The following KLHL2 variants were observed in gnomAD, a reference collection of about 807,000 sequenced individuals.
KLHL2 encodes the protein kelch-like protein 2.
Under a neutral mutation model 75.8 loss-of-function variants are expected in KLHL2, and 15 were observed. That is an observed-to-expected ratio of 0.20 (90% confidence interval 0.13 to 0.30). The LOEUF (loss-of-function observed/expected upper bound fraction) is 0.30, where lower values mean the gene tolerates loss of function less well. Ranked by LOEUF, KLHL2 falls within the 10% of genes least tolerant of loss-of-function variation. The pLI, the probability that KLHL2 is intolerant of heterozygous loss-of-function variation, is 1.00. For synonymous variants in KLHL2, 214 were observed against 251.9 expected (o/e 0.85, Z 1.42); for missense variants, 381 against 741.0 (o/e 0.51, Z 5.64).
chr4:165,318,847 C>A (rs1160524194), intron 14 of KLHL2, among the ~76,000 whole-genome samples: 4 of 151,904 alleles, frequency 2.6e-5, no homozygotes, highest in Non-Finnish European at 5.9e-5. Flanking sequence ...ACTGCATAAC[C>A]TAGAAATATT....
intron 5 of KLHL2, 40 bp from the exon 6 acceptor site, chr4:165,294,319 A>ATGT: frequency 9.0e-7 from 1 of 1,106,550 alleles, no homozygotes; most frequent in Non-Finnish European, 1.4e-6. Context: ...TGATAATGGA[A>ATGT]TGTTGATGTT....
intron 5 of KLHL2, among the ~76,000 whole-genome samples, chr4:165,263,689 C>T (rs1199695024): frequency 3.3e-5 from 5 of 150,976 alleles, no homozygotes; most frequent in South Asian, 4.2e-4. Flanking sequence ...TTGCAACCTC[C>T]GCCTCCAGGG....
intron 3 of KLHL2, among the ~76,000 whole-genome samples, chr4:165,232,030 A>T (rs968034917): frequency 6.6e-6 from 1 of 152,134 alleles, no homozygotes; most frequent in Non-Finnish European, 1.5e-5. Context: ...ATCTTTCTAT[A>T]TGCTTATTAT....
chr4:165,288,341 A>T (rs750389421), intron 5 of KLHL2, among the ~76,000 whole-genome samples: 2 of 152,016 alleles, frequency 1.3e-5, no homozygotes. Flanking sequence ...TGAACGGTAT[A>T]CATTGAAAGA....
chr4:165,299,486 G>A lies in KLHL2; in HGVS notation c.772-21G>A, dbSNP rs745853416. The A allele has an allele frequency of 4.4e-6, 7 of 1,590,116 alleles. No individual in the cohort carries two copies. In the African/African-American group the frequency reaches 9.4e-5, roughly 21 times the overall value. On this transcript the variant is annotated intron_variant, in intron 7 of 14. Transcript: ENST00000226725. ...TGAAATAGCCCTACCCTCAGTGGGT[G>A]TGTCTGATTTCTTGTTACAGAGGGT...
intron 3 of KLHL2, among the ~76,000 whole-genome samples, chr4:165,232,629 A>G (rs1226118666): frequency 2.6e-5 from 4 of 151,878 alleles, no homozygotes; most frequent in African/African-American, 4.8e-5. Context: ...AGTCCCAGAT[A>G]CTGGGGAGGC....
chr4:165,231,544 A>G (rs928936380), intron 3 of KLHL2, among the ~76,000 whole-genome samples: 2 of 152,210 alleles, frequency 1.3e-5, no homozygotes, highest in Non-Finnish European at 2.9e-5. Context: ...TTTTGTTCTC[A>G]CATAATGTTT....
intron 5 of KLHL2, among the ~76,000 whole-genome samples, chr4:165,287,033 G>C (rs1374475790): frequency 6.6e-6 from 1 of 152,078 alleles, no homozygotes; most frequent in African/African-American, 2.4e-5. Flanking sequence ...TACCACCTTA[G>C]CCATTTTAAG....
intron 7 of KLHL2, among the ~76,000 whole-genome samples, chr4:165,298,806 A>G (rs920011199): frequency 5.9e-5 from 9 of 152,066 alleles, no homozygotes; most frequent in Non-Finnish European, 1.0e-4. Flanking sequence ...ACATGGTGGC[A>G]GGTGCCTGTA....
intron 5 of KLHL2, among the ~76,000 whole-genome samples, chr4:165,291,233 C>T (rs536643305): frequency 3.9e-5 from 6 of 152,092 alleles, no homozygotes; most frequent in African/African-American, 1.4e-4. Context: ...GGTAACAGTC[C>T]TTTATGAGAT....
intron 1 of KLHL2, among the ~76,000 whole-genome samples, chr4:165,211,468 T>C (rs1469476727): frequency 6.6e-6 from 1 of 152,250 alleles, no homozygotes; most frequent in East Asian, 1.9e-4. Context: ...TGACCTTTAA[T>C]GTTCTTTCTA....
intron 11 of KLHL2, among the ~76,000 whole-genome samples, chr4:165,311,770 CCT>C (rs1746203771): frequency 6.8e-6 from 1 of 148,094 alleles, no homozygotes. Flanking sequence ...CTTTTCTCTC[CCT>C]CTCTATCCCC....
intron 5 of KLHL2, among the ~76,000 whole-genome samples, chr4:165,264,737 T>TATATATAC (rs1560784071): frequency 1.3e-5 from 1 of 75,538 alleles, no homozygotes; most frequent in African/African-American, 4.8e-5. Flanking sequence ...TATATATATA[T>TATATATAC]ATGTATATAT....
At chr4:165,210,363 G>C (rs567646068) in intron 1 of KLHL2, among the ~76,000 whole-genome samples, 1 of 152,270 alleles carries the variant, frequency 6.6e-6, no homozygotes, top group African/African-American at 2.4e-5. Context: ...TCAGGCATCT[G>C]TACCCACCAT....
chr4:165,251,683 C>T (rs1241491296), intron 4 of KLHL2, among the ~76,000 whole-genome samples: 3 of 146,992 alleles, frequency 2.0e-5, no homozygotes, highest in East Asian at 2.0e-4. Flanking sequence ...GATCTCGGCT[C>T]ACTGCAAGCT....
chr4:165,300,837 TCTGTC>T (rs1441582568), intron 8 of KLHL2, among the ~76,000 whole-genome samples: 4 of 152,266 alleles, frequency 2.6e-5, no homozygotes, highest in Non-Finnish European at 5.9e-5. Context: ...CAGTTATTAC[TCTGTC>T]CTTTCCATTG....
At chr4:165,234,707 C>T (rs28472332) in intron 3 of KLHL2, among the ~76,000 whole-genome samples, 36,763 of 148,666 alleles carry the variant, frequency 0.25, 4,977 homozygotes, top group Non-Finnish European at 0.32. Context: ...CTCCGTCTCC[C>T]GGTTTCAAGC....
intron 1 of KLHL2, among the ~76,000 whole-genome samples, chr4:165,218,617 T>G (rs1200599477): frequency 6.6e-6 from 1 of 152,158 alleles, no homozygotes; most frequent in Non-Finnish European, 1.5e-5. Flanking sequence ...GTCTTTCCCT[T>G]TCCCCCCACC....
chr4:165,299,526 T>C lies in KLHL2; in HGVS notation c.791T>C (p.Leu264Ser). The C allele has an allele frequency of 6.2e-7, 1 of 1,612,206 alleles. No homozygotes were observed. Among genetic ancestry groups the C allele is most frequent in the Non-Finnish European group, 8.5e-7 (1 of 1,179,262 alleles). The change falls in exon 8 of 15, where the codon TTG becomes TCG. Residue 264 changes from leucine to serine, a missense_variant. Physicochemically the swap from Leu to Ser is moderately radical, Grantham distance 145 (BLOSUM62 -2). Around this residue, in one of 5 missense-constraint regions of KLHL2, gnomAD observed 111 missense variants for 150.1 expected, o/e 0.74. Transcript: ENST00000226725. ...TTACAGAGGGTTGAAGAGGAAGCAT[T>C]GGTCAAGAATAGCAGTGCTTGCAAA... is the stretch of plus-strand genomic sequence containing the variant. Reference protein sequence around the residue: ...YLVQRVEEEALVKNSSACKDY... With the variant: ...YLVQRVEEEASVKNSSACKDY...
Sources: gnomAD v4.1 joint callset for allele counts (sites outside exome capture counted in the v4.1 genomes callset) on GRCh38, gnomAD v4.1.1 for gene constraint, gnomAD v4.1.1 regional missense constraint, MANE v1.5 for transcripts, NCBI Gene and HGNC (gene_info 2026-07-23, HGNC 2026-07-21) for gene names.